CTNNA3: variants seen among roughly 807,000 people sequenced by gnomAD.
CTNNA3 encodes catenin alpha-3.
A neutral mutation model predicts 95.7 loss-of-function variants in CTNNA3; 76 were observed. The observed-to-expected ratio is 0.79, with a 90% confidence interval of 0.66 to 0.96. CTNNA3 has a LOEUF of 0.96. Ranked by LOEUF, CTNNA3 falls within the 40% of genes least tolerant of loss-of-function variation. The pLI, the probability that CTNNA3 is intolerant of heterozygous loss-of-function variation, is 0.00. For synonymous variants in CTNNA3, 431 were observed against 374.4 expected, an observed-to-expected ratio of 1.15 and a Z score of -1.74; for missense variants, 1,191 against 1,089.8, an observed-to-expected ratio of 1.09 and a Z score of -1.31.
intron 15 of CTNNA3, among the ~76,000 whole-genome samples, chr10:66,005,355 T>G (rs937129859): frequency 3.3e-5 from 5 of 152,104 alleles, no homozygotes; most frequent in African/African-American, 1.2e-4. Flanking sequence ...TTCCTGCATT[T>G]AAATCAAAGC....
At chr10:67,259,825 A>G (rs1007150624) in intron 5 of CTNNA3, among the ~76,000 whole-genome samples, 3 of 152,166 alleles carry the variant, frequency 2.0e-5, no homozygotes, top group African/African-American at 7.2e-5. Context: ...AAGTAGCTTC[A>G]TAAGTAGCAC....
chr10:66,517,594 C>A (rs974090915), intron 11 of CTNNA3, among the ~76,000 whole-genome samples: 8 of 152,064 alleles, frequency 5.3e-5, no homozygotes, highest in African/African-American at 1.7e-4. Flanking sequence ...CATGAATAAT[C>A]CACCCCTTGT....
chr10:67,021,498 C>A (rs1853012629), intron 7 of CTNNA3, among the ~76,000 whole-genome samples: 2 of 151,684 alleles, frequency 1.3e-5, no homozygotes, highest in Non-Finnish European at 2.9e-5. Flanking sequence ...ACAGTAAAAA[C>A]ATTAAAAAAT....
At chr10:66,736,078 C>T (rs1849127060) in intron 9 of CTNNA3, among the ~76,000 whole-genome samples, 2 of 152,180 alleles carry the variant, frequency 1.3e-5, no homozygotes, top group African/African-American at 2.4e-5. Context: ...TGAGCCACAG[C>T]GCCCAACAAC....
chr10:66,826,972 A>G (rs939374511), intron 7 of CTNNA3, among the ~76,000 whole-genome samples: 1 of 152,136 alleles, frequency 6.6e-6, no homozygotes, highest in African/African-American at 2.4e-5. Context: ...GCTGTACTGT[A>G]CCAAGTTACT....
At chr10:67,720,129 C>CTTTTTTTTTTTTTTTTTTTT (rs58074397) in intron 1 of CTNNA3, among the ~76,000 whole-genome samples, 153 of 6,606 alleles carry the variant, frequency 0.023, 60 homozygotes, top group South Asian at 0.056. Context: ...GCAACCCCTG[C>CTTTTTTTTTTTTTTTTTTTT]TTTTTTTTTT....
intron 11 of CTNNA3, among the ~76,000 whole-genome samples, chr10:66,391,302 G>A (rs544152762): frequency 6.6e-6 from 1 of 151,888 alleles, no homozygotes; most frequent in South Asian, 2.1e-4. Context: ...TTCTATAGAA[G>A]AACACACACA....
chr10:66,011,751 C>T (rs935394677), intron 15 of CTNNA3, among the ~76,000 whole-genome samples: 3 of 152,116 alleles, frequency 2.0e-5, no homozygotes, highest in Non-Finnish European at 2.9e-5. Context: ...GGCCAAAAAT[C>T]GACACACAGC....
chr10:66,213,862 G>A (rs1295823780), intron 13 of CTNNA3, among the ~76,000 whole-genome samples: 1 of 152,176 alleles, frequency 6.6e-6, no homozygotes, highest in Non-Finnish European at 1.5e-5. Flanking sequence ...AGCCATACCT[G>A]AATTTCTTAG....
chr10:67,026,657 A>T (rs539504503), intron 7 of CTNNA3, among the ~76,000 whole-genome samples: 51 of 152,276 alleles, frequency 3.3e-4, no homozygotes, highest in Non-Finnish European at 6.8e-4. Context: ...CCCTGGGAGG[A>T]AACCAATTTC....
At chr10:66,458,796 T>G (rs2093510684) in intron 11 of CTNNA3, among the ~76,000 whole-genome samples, 1 of 152,194 alleles carries the variant, frequency 6.6e-6, no homozygotes, top group South Asian at 2.1e-4. Flanking sequence ...CATTGTATGA[T>G]AAGCCATATT....
At chr10:67,611,615 C>T (rs1292456803) in intron 2 of CTNNA3, among the ~76,000 whole-genome samples, 2 of 152,188 alleles carry the variant, frequency 1.3e-5, no homozygotes, top group Non-Finnish European at 1.5e-5. Flanking sequence ...TGCGCCTGGC[C>T]GTGAAATGTC....
At chr10:66,386,876 G>T (rs992301943) in intron 11 of CTNNA3, among the ~76,000 whole-genome samples, 3 of 152,164 alleles carry the variant, frequency 2.0e-5, no homozygotes, top group Admixed American at 6.5e-5. Context: ...ATGGTGCTGG[G>T]AAAACTGGCT....
At chr10:66,137,792 T>G (rs1356993550) in intron 13 of CTNNA3, among the ~76,000 whole-genome samples, 1 of 151,900 alleles carries the variant, frequency 6.6e-6, no homozygotes, top group Non-Finnish European at 1.5e-5. Flanking sequence ...ACAAAAAATT[T>G]ACAAAAAAGT....
At chr10:66,158,600 CT>C (rs879346535) in intron 13 of CTNNA3, among the ~76,000 whole-genome samples, 11 of 151,998 alleles carry the variant, frequency 7.2e-5, no homozygotes, top group Non-Finnish European at 1.5e-4. Flanking sequence ...CAGATTTGTT[CT>C]TTTTGCTTAG....
At chr10:66,813,845 AGTGTGTGTGT>A (rs66464661) in intron 7 of CTNNA3, among the ~76,000 whole-genome samples, 4 of 149,736 alleles carry the variant, frequency 2.7e-5, no homozygotes, top group Non-Finnish European at 4.5e-5. Context: ...TGTGTGTGTG[AGTGTGTGTGT>A]GTGTGTGTGT....
At chr10:67,502,577 C>T (rs1034961763) in intron 5 of CTNNA3, among the ~76,000 whole-genome samples, 1 of 152,220 alleles carries the variant, frequency 6.6e-6, no homozygotes, top group Admixed American at 6.5e-5. Flanking sequence ...ACAGCCACCC[C>T]TTCCCCCAGG....
intron 13 of CTNNA3, among the ~76,000 whole-genome samples, chr10:66,191,541 G>C (rs1055303928): frequency 1.3e-5 from 2 of 151,036 alleles, no homozygotes; most frequent in African/African-American, 2.4e-5. Flanking sequence ...GTCATTACTA[G>C]CAGCCTCTGC....
intron 7 of CTNNA3, among the ~76,000 whole-genome samples, chr10:67,022,594 A>C (rs1853094458): frequency 6.6e-6 from 1 of 152,202 alleles, no homozygotes; most frequent in African/African-American, 2.4e-5. Flanking sequence ...GTCAATATAC[A>C]AAGGTAAGTA....
Sources: allele counts gnomAD v4.1 joint callset (sites outside exome capture counted in the v4.1 genomes callset), GRCh38; gene constraint gnomAD v4.1.1; transcripts MANE v1.5; gene names NCBI Gene and HGNC (gene_info 2026-07-23, HGNC 2026-07-21).